CRHBP: variants seen among roughly 807,000 people sequenced by gnomAD.
CRHBP encodes the protein corticotropin releasing hormone binding protein, also known as corticotropin-releasing hormone-binding protein.
CRHBP carries 19 observed loss-of-function variants against 34.9 expected under a neutral mutation model. That is an observed-to-expected ratio of 0.55 (90% CI 0.38 to 0.80). The LOEUF (loss-of-function observed/expected upper bound fraction) is 0.80, where lower values mean the gene tolerates loss of function less well. Ranked by LOEUF, CRHBP falls within the 30% of genes least tolerant of loss-of-function variation. CRHBP has a pLI of 0.00. For synonymous variants in CRHBP, 154 were observed against 153.4 expected (o/e 1.00, Z -0.03); for missense variants, 328 against 409.2 (o/e 0.80, Z 1.71).
chr5:76,969,734 G>A (rs1016539538), downstream of CRHBP, among the ~76,000 whole-genome samples: 3 of 152,054 alleles, frequency 2.0e-5, no homozygotes, highest in Non-Finnish European at 4.4e-5. Context: ...TTTTTGTCAC[G>A]ATATACATTT....
In CRHBP at chr5:76,955,678, G is replaced by A; in HGVS notation, c.359G>A (p.Gly120Glu). The stretch of plus-strand genomic sequence containing the variant: ...GTATTTGATGGTTGGATTCTCAAGG[G>A]GGAGAAGTTCCCCAGTTCCCAGGAT... ...LKVFDGWILK[G>E]EKFPSSQDHP... The change falls in exon 4 of 7, where the codon GGG becomes GAG. Residue 120 changes from glycine (G) to glutamate (E), a missense_variant. Gly to Glu is a moderately conservative substitution (Grantham distance 98). Around this residue, in one of 3 missense-constraint regions of CRHBP, gnomAD observed 173 missense variants for 172.2 expected, o/e 1.00. Coordinates refer to ENST00000274368, the MANE Select transcript of CRHBP (RefSeq NM_001882.4). The A allele has an allele frequency of 6.2e-7, 1 of 1,614,090 alleles. No individual in the cohort carries two copies. The highest frequency in any genetic ancestry group is 8.5e-7 in the Non-Finnish European group (1 of 1,180,006).
chr5:76,976,261 A>C (rs777561835), intron 2 of CRHBP: 4 of 152,182 alleles, frequency 2.6e-5, no homozygotes, highest in Non-Finnish European at 5.9e-5. Flanking sequence ...CTGGACAACT[A>C]ACAAGGTATT....
downstream of CRHBP, among the ~76,000 whole-genome samples, chr5:76,970,035 C>T (rs1370389738): frequency 1.4e-5 from 2 of 143,916 alleles, no homozygotes; most frequent in Non-Finnish European, 3.0e-5. Flanking sequence ...GCAGCCTGCA[C>T]CTCCTGGGTT....
At chr5:76,976,685 A>C (rs1443717068) in intron 3 of CRHBP, among the ~76,000 whole-genome samples, 2 of 152,192 alleles carry the variant, frequency 1.3e-5, no homozygotes, top group African/African-American at 2.4e-5. Context: ...TAGACACTAT[A>C]ACTATGAGTG....
Position 76,954,079 on chromosome 5 carries a change from C to A in CRHBP, c.226C>A (p.Arg76=), listed in dbSNP as rs1367052927. ...GGGCCAGTTCACCTTCACCGCCGAC[C>A]GGCCGCAGCTGCACTGCGCAGCCTT... The part of the protein sequence containing the change: ...LQGQFTFTAD[R]PQLHCAAFFI... Residue 76 remains arginine (R), a synonymous_variant, in exon 3 of 7, where the codon CGG becomes AGG. Coordinates refer to ENST00000274368, the MANE Select transcript of CRHBP (RefSeq NM_001882.4). 7.4e-6 allele frequency: 12 copies of A among 1,613,966 alleles called. No homozygotes were observed. The highest frequency in any genetic ancestry group is 1.0e-5 in the Non-Finnish European group (12 of 1,179,930).
At chr5:76,965,977 G>A (rs901145813) in intron 6 of CRHBP, among the ~76,000 whole-genome samples, 3 of 152,162 alleles carry the variant, frequency 2.0e-5, no homozygotes, top group Admixed American at 6.5e-5. Flanking sequence ...CCTAGCGAGC[G>A]GCTCAAGGGC....
At chr5:76,953,344 C>T (rs1416509060) in intron 1 of CRHBP, 129 bp downstream of exon 1, 1 of 906,324 alleles carries the variant, frequency 1.1e-6, no homozygotes, top group African/African-American at 1.6e-5. Context: ...GCTGTCTTGC[C>T]CCTGGTTTCC....
chr5:76,979,744 A>G (rs950564180), intron 3 of CRHBP, among the ~76,000 whole-genome samples: 3 of 152,166 alleles, frequency 2.0e-5, no homozygotes, highest in Non-Finnish European at 4.4e-5. Context: ...TCACTTCTAT[A>G]TGTACTAGGA....
Position 76,968,934 on chromosome 5 carries a change from G to C in CRHBP, c.*49G>C. 6.3e-7 allele frequency: 1 copy of C among 1,588,670 alleles called. No homozygotes were observed. Among genetic ancestry groups the C allele is most frequent in the Non-Finnish European group, 8.6e-7 (1 of 1,164,120 alleles). ...GCTGATAGCTAAGTGAGTTTTTAATGGCCATTGTGTATGATTTTGATGCAC... is the reference window on the plus strand; with the variant it reads ...GCTGATAGCTAAGTGAGTTTTTAATCGCCATTGTGTATGATTTTGATGCAC... On this transcript the variant is annotated 3_prime_UTR_variant, in exon 7 of 7. Transcript: ENST00000274368.
At chr5:76,976,606 A>G (rs1746038301) in intron 3 of CRHBP, 1 of 152,226 alleles carries the variant, frequency 6.6e-6, no homozygotes. Flanking sequence ...CGTGTCAGGT[A>G]TAACAGGAGC....
downstream of CRHBP, among the ~76,000 whole-genome samples, chr5:76,973,915 C>T (rs1267623750): frequency 7.2e-5 from 11 of 151,834 alleles, no homozygotes; most frequent in South Asian, 4.2e-4. Context: ...GCGATTCTCC[C>T]GCCTCAGCCT....
At position 76,955,872 on chromosome 5, in the gene CRHBP, T is replaced by C. The variant is rs772864871; in HGVS notation, c.544+9T>C. ...AGACCCCAACCTCTTTCGTAAGTGT[T>C]CTCAGTCAAAAGGCAGAACTTCGGA... is the stretch of plus-strand genomic sequence containing the variant. On this transcript the variant is annotated intron_variant, in intron 4 of 6. Coordinates refer to ENST00000274368, the MANE Select transcript of CRHBP (RefSeq NM_001882.4). 1.2e-6 allele frequency: 2 copies of C among 1,612,194 alleles called. No individual in the cohort carries two copies. The highest frequency in any genetic ancestry group is 1.3e-5 in the African/African-American group (1 of 74,896).
intron 6 of CRHBP, among the ~76,000 whole-genome samples, chr5:76,968,271 C>T (rs866266559): frequency 6.6e-6 from 1 of 150,576 alleles, no homozygotes; most frequent in Non-Finnish European, 1.5e-5. Context: ...CCACTAAATG[C>T]CCCTTGCAAC....
chr5:76,972,583 C>T (rs909071415), downstream of CRHBP, among the ~76,000 whole-genome samples: 2 of 152,162 alleles, frequency 1.3e-5, no homozygotes, highest in African/African-American at 4.8e-5. Context: ...CCACCCACCT[C>T]AGCTTCCCAA....
chr5:76,953,205 G>T lies in CRHBP; in HGVS notation c.71G>T (p.Arg24Leu). 1.2e-6 allele frequency: 2 copies of T among 1,614,048 alleles called. No homozygotes were observed. Among genetic ancestry groups the T allele is most frequent in the Non-Finnish European group, 1.7e-6 (2 of 1,179,922 alleles). ...IFLTALRGES[R>L]YLELREAADY... ...CTGACGGCTCTAAGAGGGGAAAGCC[G>T]GTACCTAGAGGTGAGCCACCCCTGG... is the stretch of plus-strand genomic sequence containing the variant. Residue 24 changes from arginine (R) to leucine (L), a missense_variant, in exon 1 of 7, where the codon CGG becomes CTG. Arg to Leu is a moderately radical substitution (Grantham distance 102, BLOSUM62 -2). This residue lies in a region of CRHBP where 173 missense variants were observed against 172.2 expected (regional missense o/e 1.00). Coordinates refer to ENST00000274368, the MANE Select transcript of CRHBP (RefSeq NM_001882.4).
At chr5:76,959,045 G>C in intron 5 of CRHBP, 156 bp downstream of exon 5, 1 of 673,370 alleles carries the variant, frequency 1.5e-6, no homozygotes, top group Non-Finnish European at 2.3e-6. Flanking sequence ...TAGCTGCTTT[G>C]ACTAACCCCC....
chr5:76,968,798 G>T lies in CRHBP; in HGVS notation c.882G>T (p.Val294=). The T allele has an allele frequency of 1.2e-6, 2 of 1,614,160 alleles. No individual in the cohort carries two copies. Among genetic ancestry groups the T allele is most frequent in the Non-Finnish European group, 8.5e-7 (1 of 1,180,004 alleles). ...MVSSGKHVNR[V]TFEYRQLEPY... ...CCAGTGGAAAACACGTAAATCGTGT[G>T]ACTTTTGAGTATCGTCAGCTGGAGC... The change falls in exon 7 of 7, where the codon GTG becomes GTT. Residue 294 remains valine (V), a synonymous_variant. Transcript: ENST00000274368.
chr5:76,961,814 C>T (rs530360622), intron 5 of CRHBP, among the ~76,000 whole-genome samples: 26 of 152,060 alleles, frequency 1.7e-4, no homozygotes, highest in Non-Finnish European at 3.4e-4. Flanking sequence ...AGTGCAGTGA[C>T]GTGATCTTGG....
At position 76,975,825 on chromosome 5, in the gene CRHBP, A is replaced by AAAAAAAATAT; in HGVS notation, n.312-539_312-538insAAAAAATATA. Among the ~76,000 whole-genome samples the AAAAAAAATAT allele has an allele frequency of 4.2e-4, 26 of 61,850 alleles. 1 individual carries two copies. Among genetic ancestry groups the AAAAAAAATAT allele is most frequent in the Non-Finnish European group, 6.3e-4 (23 of 36,664 alleles). The allele number at this position is 61,850 out of a possible 152,430, so 40.6% of individuals were successfully genotyped here. On this transcript the variant is annotated intron_variant and non_coding_transcript_variant, in intron 2 of 3. Coordinates refer to the CRHBP transcript ENST00000514258. ...TCTCAAAAAAAAAAAAAAAAAAAAA[A>AAAAAAAATAT]ATATATATATATATATATATACACG...
Sources: allele counts gnomAD v4.1 joint callset (sites outside exome capture counted in the v4.1 genomes callset), GRCh38; gene constraint gnomAD v4.1.1; regional missense constraint gnomAD v4.1.1; transcripts MANE v1.5; gene names NCBI Gene and HGNC (gene_info 2026-07-23, HGNC 2026-07-21).